The following NAF1 variants were observed in gnomAD, a reference collection of about 807,000 sequenced individuals.
NAF1 encodes H/ACA ribonucleoprotein complex non-core subunit NAF1.
A neutral mutation model predicts 40.6 loss-of-function variants in NAF1; 11 were observed. The ratio of observed to expected loss-of-function variants is 0.27; its 90% CI spans 0.17 to 0.45. The LOEUF (loss-of-function observed/expected upper bound fraction) is 0.45. Ranked by LOEUF, NAF1 falls within the 20% of genes least tolerant of loss-of-function variation. NAF1 has a pLI of 1.00. For missense variants in NAF1, 607 were observed against 611.1 expected, an observed-to-expected ratio of 0.99 and a Z score of 0.07; for synonymous variants, 260 against 228.5, an observed-to-expected ratio of 1.14 and a Z score of -1.24.
At chr4:163,117,058 T>C (rs150915490) in intron 2 of NAF1, among the ~76,000 whole-genome samples, 237 of 152,336 alleles carry the variant, frequency 1.6e-3, no homozygotes, top group Non-Finnish European at 2.8e-3. Flanking sequence ...ACACTCTTCA[T>C]ACCCGTCATA....
downstream of NAF1, among the ~76,000 whole-genome samples, chr4:163,126,474 A>G (rs1730659412): frequency 6.6e-6 from 1 of 152,236 alleles, no homozygotes; most frequent in African/African-American, 2.4e-5. Context: ...AGTGGAACCT[A>G]AAGATGTGAC....
chr4:163,124,398 T>G, downstream of NAF1, among the ~76,000 whole-genome samples: 1 of 151,232 alleles, frequency 6.6e-6, no homozygotes, highest in East Asian at 2.0e-4. Context: ...TCCAGCCCCT[T>G]TTATAAGGCA....
In NAF1 at chr4:163,145,804, C is replaced by T. The variant is rs1465958725; in HGVS notation, c.695G>A (p.Ser232Asn). Residue 232 changes from serine (S) to asparagine (N), a missense_variant, in exon 4 of 8, where the codon AGT becomes AAT. Physicochemically the swap from Ser to Asn is conservative, Grantham distance 46. Transcript: ENST00000274054. Reference protein sequence around the residue: ...PVNEETVIFKSDRQAAGKIFE... With the variant: ...PVNEETVIFKNDRQAAGKIFE... ...AACCTTTCCTGCTGCTTGTCGATCA[C>T]TTTTAAAAATTACAGTCTCCTCATT... 6.3e-7 allele frequency: 1 copy of T among 1,588,698 alleles called. No individual in the cohort carries two copies. Among genetic ancestry groups the T allele is most frequent in the African/African-American group, 1.3e-5 (1 of 74,170 alleles).
At chr4:163,165,265 C>G (rs1362610223) in intron 1 of NAF1, among the ~76,000 whole-genome samples, 26 of 152,194 alleles carry the variant, frequency 1.7e-4, no homozygotes, top group Admixed American at 1.7e-3. Context: ...CTGCTGTTAA[C>G]TGGCAAAAAG....
At chr4:163,129,520 G>A (rs780939592) in intron 7 of NAF1, among the ~76,000 whole-genome samples, 172 bp from the exon 8 acceptor site, 9 of 152,120 alleles carry the variant, frequency 5.9e-5, no homozygotes, top group Non-Finnish European at 8.8e-5. Context: ...AAAACTTAAT[G>A]CCAAAGAAAG....
chr4:163,110,289 G>T, exon 3 of NAF1: 3 of 701,178 alleles, frequency 4.3e-6, no homozygotes, highest in Non-Finnish European at 7.8e-6. Flanking sequence ...GTCAACCATG[G>T]TCTGAAAATA....
chr4:163,149,253 T>G (rs1198716692), intron 2 of NAF1, among the ~76,000 whole-genome samples: 1 of 152,124 alleles, frequency 6.6e-6, no homozygotes, highest in Non-Finnish European at 1.5e-5. Context: ...AGAAGGAAGC[T>G]TTTCCTCAAG....
At chr4:163,145,885 C>A in intron 3 of NAF1, 21 bp from the exon 4 acceptor site, 1 of 1,134,268 alleles carries the variant, frequency 8.8e-7, no homozygotes, top group Non-Finnish European at 1.3e-6. Context: ...AAATAGATTA[C>A]TTCAAGATTT....
intron 7 of NAF1, among the ~76,000 whole-genome samples, chr4:163,129,677 A>G (rs1160013325): frequency 6.6e-6 from 1 of 152,140 alleles, no homozygotes; most frequent in Non-Finnish European, 1.5e-5. Context: ...GTAATGAGGT[A>G]CTCCAACCCT....
At chr4:163,140,094 T>C in intron 5 of NAF1, 129 bp downstream of exon 5, 4 of 663,910 alleles carry the variant, frequency 6.0e-6, no homozygotes, top group Non-Finnish European at 9.4e-6. Flanking sequence ...TCAAAGATAT[T>C]ATTAGGAAGA....
chr4:163,164,420 A>T, intron 1 of NAF1, 29 bp from the exon 2 acceptor site: 1 of 1,449,024 alleles, frequency 6.9e-7, no homozygotes, highest in South Asian at 1.4e-5. Context: ...TTAAAAAAAT[A>T]GTCCAGTATT....
At chr4:163,120,325 ATATC>A (rs1161946901) in intron 2 of NAF1, among the ~76,000 whole-genome samples, 2 of 152,334 alleles carry the variant, frequency 1.3e-5, no homozygotes, top group Admixed American at 1.3e-4. Context: ...ACACACCACC[ATATC>A]TATCTATTAC....
chr4:163,140,962 AC>A (rs2110935820), intron 4 of NAF1, among the ~76,000 whole-genome samples: 1 of 152,374 alleles, frequency 6.6e-6, no homozygotes, highest in African/African-American at 2.4e-5. Flanking sequence ...AACTAAAAGA[AC>A]TGCTTTTAGC....
At chr4:163,146,351 G>T (rs757468820) in intron 3 of NAF1, among the ~76,000 whole-genome samples, 6 of 152,158 alleles carry the variant, frequency 3.9e-5, no homozygotes, top group Non-Finnish European at 5.9e-5. Flanking sequence ...AGAAGTAAAA[G>T]TGCTAGAGCT....
intron 4 of NAF1, among the ~76,000 whole-genome samples, chr4:163,141,038 A>ATT (rs1307789803): frequency 2.0e-5 from 3 of 152,234 alleles, no homozygotes; most frequent in African/African-American, 7.2e-5. Context: ...TTGGTTTCAA[A>ATT]TTGTACTTTC....
chr4:163,128,054 A>C (rs1730720535), downstream of NAF1, among the ~76,000 whole-genome samples: 1 of 152,250 alleles, frequency 6.6e-6, no homozygotes, highest in Non-Finnish European at 1.5e-5. Context: ...TCTAAAACTC[A>C]TAATTTCCCT....
downstream of NAF1, among the ~76,000 whole-genome samples, chr4:163,124,524 T>C (rs1205146857): frequency 6.6e-6 from 1 of 152,216 alleles, no homozygotes; most frequent in African/African-American, 2.4e-5. Flanking sequence ...TAAATAGTTA[T>C]ACTTTATTGT....
intron 2 of NAF1, among the ~76,000 whole-genome samples, chr4:163,118,395 T>TAG (rs1229830763): frequency 6.6e-6 from 1 of 152,226 alleles, no homozygotes; most frequent in East Asian, 1.9e-4. Context: ...TTATGACAAG[T>TAG]AGAGCACTGT....
downstream of NAF1, among the ~76,000 whole-genome samples, chr4:163,109,799 T>G (rs1452500363): frequency 6.6e-6 from 1 of 152,186 alleles, no homozygotes; most frequent in South Asian, 2.1e-4. Flanking sequence ...TCTGCATAGA[T>G]ATAGAGATTA....
Sources: gnomAD v4.1 joint callset for allele counts (sites outside exome capture counted in the v4.1 genomes callset) on GRCh38, gnomAD v4.1.1 for gene constraint, MANE v1.5 for transcripts, NCBI Gene and HGNC (gene_info 2026-07-23, HGNC 2026-07-21) for gene names.